The following RALGAPA2 variants were observed in gnomAD, a reference collection of about 807,000 sequenced individuals.
RALGAPA2 encodes the protein Ral GTPase activating protein catalytic subunit alpha 2.
Under a neutral mutation model 230.4 loss-of-function variants are expected in RALGAPA2, and 139 were observed. The observed-to-expected ratio is 0.60, with a 90% CI of 0.53 to 0.69. The LOEUF (loss-of-function observed/expected upper bound fraction) is 0.69, where lower values mean the gene tolerates loss of function less well. Among genes scored for constraint, RALGAPA2 ranks in the 30% least tolerant of loss-of-function variants. RALGAPA2 has a pLI of 0.00. For synonymous variants in RALGAPA2, 847 were observed against 837.8 expected (o/e 1.01, Z -0.19); for missense variants, 2,163 against 2,276.0 (o/e 0.95, Z 1.01).
intron 13 of RALGAPA2, among the ~76,000 whole-genome samples, chr20:20,614,230 G>A (rs746051155): frequency 2.6e-5 from 4 of 151,922 alleles, no homozygotes; most frequent in African/African-American, 7.3e-5. Flanking sequence ...TATTTTCATC[G>A]AGTTCTACAA....
intron 1 of RALGAPA2, among the ~76,000 whole-genome samples, chr20:20,687,655 AATGG>A (rs1344538968): frequency 6.6e-6 from 1 of 152,180 alleles, no homozygotes; most frequent in African/African-American, 2.4e-5. Context: ...GAGGGAGAAA[AATGG>A]ATGCCTGTTG....
intron 36 of RALGAPA2, among the ~76,000 whole-genome samples, chr20:20,489,238 A>G (rs2061988895): frequency 6.6e-6 from 1 of 152,174 alleles, no homozygotes; most frequent in South Asian, 2.1e-4. Flanking sequence ...GGGAGCAAAG[A>G]AGGAGGAGAC....
chr20:20,596,067 T>C (rs1226950535), intron 16 of RALGAPA2, among the ~76,000 whole-genome samples: 4 of 152,166 alleles, frequency 2.6e-5, no homozygotes, highest in Non-Finnish European at 5.9e-5. Context: ...GTGCCAGTCC[T>C]ACCTCCCCAA....
intron 21 of RALGAPA2, among the ~76,000 whole-genome samples, chr20:20,572,164 T>C (rs1335800514): frequency 1.3e-5 from 2 of 152,226 alleles, no homozygotes; most frequent in Non-Finnish European, 2.9e-5. Flanking sequence ...AACAAAGGCA[T>C]TGTTTTTCCT....
chr20:20,465,167 A>G (rs984184384), intron 37 of RALGAPA2, among the ~76,000 whole-genome samples: 6 of 148,218 alleles, frequency 4.0e-5, no homozygotes, highest in African/African-American at 1.5e-4. Flanking sequence ...ACACACACAC[A>G]CACACACACA....
At chr20:20,708,748 T>C (rs1012102023) in intron 1 of RALGAPA2, among the ~76,000 whole-genome samples, 5 of 152,252 alleles carry the variant, frequency 3.3e-5, no homozygotes, top group African/African-American at 1.2e-4. Context: ...TCTGAAATCC[T>C]ATAATGGATT....
In RALGAPA2 at chr20:20,535,804, C is replaced by A. The variant is rs1780386954; in HGVS notation, c.3415-1G>T. Reference sequence around the variant, plus strand: ...TCAGTAAAATATTTATGAGGTAATGCTAAAAACACAAAATTAAGTAAAATA... The same window carrying A: ...TCAGTAAAATATTTATGAGGTAATGATAAAAACACAAAATTAAGTAAAATA... On this transcript the variant is annotated splice_acceptor_variant, in intron 25 of 39. Coordinates refer to ENST00000202677, the MANE Select transcript of RALGAPA2 (RefSeq NM_020343.4). LOFTEE classifies it high-confidence loss of function. 1.9e-6 allele frequency: 3 copies of A among 1,544,618 alleles called. No homozygotes were observed. Among genetic ancestry groups the A allele is most frequent in the African/African-American group, 2.7e-5 (2 of 72,806 alleles).
chr20:20,419,478 T>G lies in RALGAPA2; in HGVS notation c.5496-7330A>C, dbSNP rs562953803. Reference sequence around the variant, plus strand: ...AAGCAGAAAAGAGACAGTACTATTTTTAGGGATTTCATTTCAGAAATAGAC... The same window carrying G: ...AAGCAGAAAAGAGACAGTACTATTTGTAGGGATTTCATTTCAGAAATAGAC... On this transcript the variant is annotated intron_variant, in intron 37 of 39. Coordinates refer to ENST00000202677, the MANE Select transcript of RALGAPA2 (RefSeq NM_020343.4). Among the ~76,000 whole-genome samples, 3 of 152,290 alleles carry G rather than the reference T, an allele frequency of 2.0e-5. No homozygotes were observed. The South Asian group carries it at 6.2e-4, about 32-fold the overall frequency.
chr20:20,642,322 T>C (rs1341322795), intron 5 of RALGAPA2, among the ~76,000 whole-genome samples: 1 of 152,110 alleles, frequency 6.6e-6, no homozygotes, highest in African/African-American at 2.4e-5. Context: ...GCAATTCTCC[T>C]GCCTCAGCCT....
intron 18 of RALGAPA2, among the ~76,000 whole-genome samples, chr20:20,586,183 G>A (rs2065128989): frequency 1.3e-5 from 2 of 152,186 alleles, no homozygotes; most frequent in African/African-American, 4.8e-5. Flanking sequence ...AACTTTAGTT[G>A]CAATTTGGGG....
intron 36 of RALGAPA2, among the ~76,000 whole-genome samples, chr20:20,476,096 G>T (rs2061644823): frequency 6.6e-6 from 1 of 152,072 alleles, no homozygotes; most frequent in South Asian, 2.1e-4. Context: ...TAAATGGAAA[G>T]ATGTACAATG....
intron 23 of RALGAPA2, among the ~76,000 whole-genome samples, chr20:20,555,838 A>T (rs1356305614): frequency 6.6e-6 from 1 of 152,172 alleles, no homozygotes; most frequent in Non-Finnish European, 1.5e-5. Context: ...CAAATACAAG[A>T]TCATATATTT....
At chr20:20,629,956 C>T (rs2066616196) in intron 9 of RALGAPA2, among the ~76,000 whole-genome samples, 1 of 152,206 alleles carries the variant, frequency 6.6e-6, no homozygotes, top group African/African-American at 2.4e-5. Flanking sequence ...TTAGCATTTG[C>T]TCCTATGGTC....
At chr20:20,431,831 C>T (rs142557743) in intron 37 of RALGAPA2, among the ~76,000 whole-genome samples, 1,526 of 152,202 alleles carry the variant, frequency 0.01, 17 homozygotes, top group South Asian at 0.052. Flanking sequence ...CTGATGGTTC[C>T]AAATGTCACT....
chr20:20,454,122 C>T (rs749466647), intron 37 of RALGAPA2, among the ~76,000 whole-genome samples: 1 of 152,070 alleles, frequency 6.6e-6, no homozygotes, highest in Non-Finnish European at 1.5e-5. Context: ...AAGGGGTTCT[C>T]CGAAGGTGTT....
At position 20,562,937 on chromosome 20, in the gene RALGAPA2, T is replaced by A. The variant is rs955474799; in HGVS notation, c.3156+8521A>T. Among the ~76,000 whole-genome samples, 8 of 152,218 alleles carry A rather than the reference T, an allele frequency of 5.3e-5. 1 individual carries two copies. Among genetic ancestry groups the A allele is most frequent in the Admixed American group, 5.2e-4 (8 of 15,282 alleles). ...AGCTGAATAAAGTTATAATAAAACT[T>A]TCATTGATAAATTTTGATGAATCTG... is the stretch of plus-strand genomic sequence containing the variant. On this transcript the variant is annotated intron_variant, in intron 23 of 39. Transcript: ENST00000202677.
chr20:20,681,215 T>C (rs1319369658), intron 1 of RALGAPA2, among the ~76,000 whole-genome samples: 4 of 152,164 alleles, frequency 2.6e-5, no homozygotes, highest in African/African-American at 4.8e-5. Flanking sequence ...AAAAACAACT[T>C]TGCTGGTGGA....
intron 16 of RALGAPA2, among the ~76,000 whole-genome samples, chr20:20,592,538 C>A (rs1484822086): frequency 6.6e-6 from 1 of 152,216 alleles, no homozygotes; most frequent in Non-Finnish European, 1.5e-5. Context: ...CTAGATTCCA[C>A]ACTCACTGAC....
rs138042998 is a variant in RALGAPA2, at chr20:20,550,750, C to A, written c.3157-3918G>T. On this transcript the variant is annotated intron_variant, in intron 23 of 39. Coordinates refer to ENST00000202677, the MANE Select transcript of RALGAPA2 (RefSeq NM_020343.4). Reference sequence around the variant, plus strand: ...CGTAAAATGAAATGATACTCCCTTACGGAGCTGTATGTAATGGGATAGGAG... The same window carrying A: ...CGTAAAATGAAATGATACTCCCTTAAGGAGCTGTATGTAATGGGATAGGAG... Among the ~76,000 whole-genome samples the A allele has an allele frequency of 2.1e-4, 32 of 152,184 alleles. No individual in the cohort carries two copies. In the East Asian group the frequency reaches 5.4e-3, roughly 26 times the overall value.
Sources: gnomAD v4.1 joint callset for allele counts (sites outside exome capture counted in the v4.1 genomes callset) on GRCh38, gnomAD v4.1.1 for gene constraint, MANE v1.5 for transcripts, NCBI Gene and HGNC (gene_info 2026-07-23, HGNC 2026-07-21) for gene names.